The following RAP1GAP2 variants were observed in gnomAD, a reference collection of about 807,000 sequenced individuals.
RAP1GAP2 encodes the protein rap1 GTPase-activating protein 2.
RAP1GAP2 carries 27 observed loss-of-function variants against 95.0 expected under a neutral mutation model. The ratio of observed to expected loss-of-function variants is 0.28; its 90% CI spans 0.21 to 0.39. The LOEUF (loss-of-function observed/expected upper bound fraction) is 0.39. RAP1GAP2 is among the 10% of genes least tolerant of loss of function. RAP1GAP2 has a pLI of 1.00. For synonymous variants in RAP1GAP2, 373 were observed against 380.9 expected, an observed-to-expected ratio of 0.98 and a Z score of 0.24; for missense variants, 771 against 970.0, an observed-to-expected ratio of 0.79 and a Z score of 2.72.
At chr17:3,028,993 T>G (rs764445575) in intron 22 of RAP1GAP2, among the ~76,000 whole-genome samples, 1 of 152,146 alleles carries the variant, frequency 6.6e-6, no homozygotes, top group Non-Finnish European at 1.5e-5. Flanking sequence ...AGAGACACAG[T>G]TTCACCATGT....
chr17:2,796,811 G>C lies in RAP1GAP2; in HGVS notation c.44+240G>C, dbSNP rs178566. The stretch of plus-strand genomic sequence containing the variant: ...TCCTGGAGGTCTGCGCCGGCTGCCC[G>C]TGGGGAGGTGGATAGCATGAGTGTG... On this transcript the variant is annotated intron_variant, in intron 1 of 24. Coordinates refer to ENST00000254695, the MANE Select transcript of RAP1GAP2 (RefSeq NM_015085.5). This position sits in a 1 kb window ranked among gnomAD's most constrained non-coding sequence, Gnocchi z 4.7. Among the ~76,000 whole-genome samples the C allele has an allele frequency of 6.6e-6, 1 of 151,908 alleles. No homozygotes were observed. Among genetic ancestry groups the C allele is most frequent in the African/African-American group, 2.4e-5 (1 of 41,366 alleles).
intron 2 of RAP1GAP2, among the ~76,000 whole-genome samples, chr17:2,822,473 C>A (rs892157401): frequency 6.6e-6 from 1 of 151,742 alleles, no homozygotes. Flanking sequence ...AATTAAAAAA[C>A]AATTAGCCAG....
rs180852788 is a variant in RAP1GAP2, at chr17:2,942,580, G to A, written c.166-15179G>A. On this transcript the variant is annotated intron_variant, in intron 3 of 24. Transcript: ENST00000254695. ...CTTAGTGAGAGATAAGTAAATAGTG[G>A]CCGCCCCCTTTGGAATGGCCGTGTG... Among the ~76,000 whole-genome samples, 239 of 152,054 alleles carry A rather than the reference G, an allele frequency of 1.6e-3. 1 individual carries two copies. Among genetic ancestry groups the A allele is most frequent in the Admixed American group, 3.5e-3 (54 of 15,264 alleles).
At chr17:2,814,557 G>A (rs1365067505) in intron 2 of RAP1GAP2, among the ~76,000 whole-genome samples, 2 of 152,136 alleles carry the variant, frequency 1.3e-5, no homozygotes, top group Non-Finnish European at 1.5e-5. Flanking sequence ...CTCCTCCCGC[G>A]CCGTGGGGAT....
At chr17:2,813,964 A>AAAAAAAG (rs1192115592) in intron 2 of RAP1GAP2, among the ~76,000 whole-genome samples, 1 of 152,020 alleles carries the variant, frequency 6.6e-6, no homozygotes, top group Admixed American at 6.6e-5. Flanking sequence ...CTCCATCTCA[A>AAAAAAAG]AAAAAAGAAA....
At chr17:2,821,678 G>A (rs2070311357) in intron 2 of RAP1GAP2, among the ~76,000 whole-genome samples, 1 of 152,090 alleles carries the variant, frequency 6.6e-6, no homozygotes, top group South Asian at 2.1e-4. Context: ...CCCGCCAAGT[G>A]TGGTGTTTTA....
intron 3 of RAP1GAP2, among the ~76,000 whole-genome samples, chr17:2,938,568 C>T (rs916908787): frequency 6.6e-6 from 1 of 152,166 alleles, no homozygotes; most frequent in African/African-American, 2.4e-5. Flanking sequence ...CTCCCCCAGC[C>T]ATTCGCTATC....
intron 23 of RAP1GAP2, among the ~76,000 whole-genome samples, chr17:3,031,769 C>T (rs572728410): frequency 2.0e-4 from 28 of 141,510 alleles, no homozygotes; most frequent in African/African-American, 2.7e-4. Flanking sequence ...ACCAGACTAT[C>T]GAGAGCTCCA....
At chr17:2,851,458 G>T (rs746551493) in intron 2 of RAP1GAP2, among the ~76,000 whole-genome samples, 2 of 152,140 alleles carry the variant, frequency 1.3e-5, no homozygotes, top group Non-Finnish European at 2.9e-5. Context: ...GGCTGTGGGG[G>T]CTGGAGTGGG....
At chr17:2,886,060 G>A (rs1237076836) in intron 2 of RAP1GAP2, among the ~76,000 whole-genome samples, 2 of 151,822 alleles carry the variant, frequency 1.3e-5, no homozygotes, top group Admixed American at 1.3e-4. Flanking sequence ...GATGCGGCAG[G>A]GCCTTCCCCA....
intron 2 of RAP1GAP2, among the ~76,000 whole-genome samples, chr17:2,898,968 G>A (rs996186767): frequency 4.3e-5 from 6 of 140,044 alleles, no homozygotes; most frequent in East Asian, 3.9e-4. Context: ...ATTGCATCCC[G>A]TTCCCCTCTC....
At chr17:2,819,882 C>T (rs1159843350) in intron 2 of RAP1GAP2, among the ~76,000 whole-genome samples, 2 of 151,176 alleles carry the variant, frequency 1.3e-5, no homozygotes, top group East Asian at 3.9e-4. Flanking sequence ...ACCCCCAGGG[C>T]TCAAGTGATT....
intron 2 of RAP1GAP2, among the ~76,000 whole-genome samples, chr17:2,834,049 A>G (rs543100832): frequency 6.6e-6 from 1 of 152,130 alleles, no homozygotes; most frequent in East Asian, 1.9e-4. Flanking sequence ...AAGTTCCTGC[A>G]CCCGCCTGGT....
intron 3 of RAP1GAP2, among the ~76,000 whole-genome samples, chr17:2,936,780 G>A (rs751172735): frequency 6.6e-6 from 1 of 152,070 alleles, no homozygotes; most frequent in Non-Finnish European, 1.5e-5. Context: ...AAGTCCTCCC[G>A]GGACCCCCTT....
chr17:2,964,216 G>A (rs1403534013), intron 7 of RAP1GAP2, 148 bp downstream of exon 7: 2 of 638,888 alleles, frequency 3.1e-6, no homozygotes, highest in South Asian at 2.1e-5. Context: ...GTGGGGGTGA[G>A]GCTGGGAGAG....
In RAP1GAP2 at chr17:3,017,134, A is replaced by T. The variant is rs554218082; in HGVS notation, c.1495-927A>T. Among the ~76,000 whole-genome samples, 36 of 152,150 alleles carry T rather than the reference A, an allele frequency of 2.4e-4. No individual in the cohort carries two copies. The South Asian group carries it at 4.1e-3, about 18-fold the overall frequency. On this transcript the variant is annotated intron_variant, in intron 17 of 24. Transcript: ENST00000254695. ...AGGTGGAGCCGAGCTCTGCTTCAAC[A>T]CAGCACTCTGAGGGGTGGTTGTGCC...
chr17:3,014,001 G>A (rs1454443296), intron 17 of RAP1GAP2, among the ~76,000 whole-genome samples: 2 of 152,178 alleles, frequency 1.3e-5, no homozygotes, highest in Non-Finnish European at 2.9e-5. Flanking sequence ...ATACAATCAC[G>A]TGTCACTCAA....
In RAP1GAP2 at chr17:3,027,199, G is replaced by C. The variant is rs564175549; in HGVS notation, c.2107+129G>C. 1 of 1,186,980 alleles carries C rather than the reference G, an allele frequency of 8.4e-7. No individual in the cohort carries two copies. Among genetic ancestry groups the C allele is most frequent in the Admixed American group, 3.0e-5 (1 of 33,328 alleles). The allele number at this position is 1,186,980 out of a possible 1,614,324, so 73.5% of individuals were successfully genotyped here. A position where few individuals can be genotyped will look rare whatever the true frequency, so the allele number is the denominator to read the frequency against. On this transcript the variant is annotated intron_variant, in intron 22 of 24. Coordinates refer to ENST00000254695, the MANE Select transcript of RAP1GAP2 (RefSeq NM_015085.5). This position sits in a 1 kb window ranked among gnomAD's most constrained non-coding sequence, Gnocchi z 5.2. ...CCTCCTCCCAGCTGTGAGGCCCTCC[G>C]CTCTGTGCGCCCGCCTCTTCTGTTC... is the stretch of plus-strand genomic sequence containing the variant.
chr17:2,800,294 GAAT>G (rs1033620375), intron 1 of RAP1GAP2: 1 of 896,282 alleles, frequency 1.1e-6, no homozygotes, highest in African/African-American at 1.8e-5. Context: ...GAAATGGGGA[GAAT>G]AATAATACGC....
Sources: allele counts gnomAD v4.1 joint callset (sites outside exome capture counted in the v4.1 genomes callset), GRCh38; gene constraint gnomAD v4.1.1; non-coding constraint Gnocchi (gnomAD v3.1); transcripts MANE v1.5; gene names NCBI Gene and HGNC (gene_info 2026-07-23, HGNC 2026-07-21).